CNTN5: variants seen among roughly 807,000 people sequenced by gnomAD.
CNTN5 encodes the protein contactin 5.
CNTN5 carries 77 observed loss-of-function variants against 129.1 expected under a neutral mutation model. That is an observed-to-expected ratio of 0.60 (90% confidence interval 0.50 to 0.72). CNTN5 has a LOEUF of 0.72. Ranked by LOEUF, CNTN5 falls within the 30% of genes least tolerant of loss-of-function variation. The pLI is 0.00. For synonymous variants in CNTN5, 509 were observed against 465.6 expected (o/e 1.09, Z -1.20); for missense variants, 1,478 against 1,328.8 (o/e 1.11, Z -1.75).
rs139145102 is a variant in CNTN5 at position 99,622,837 on chromosome 11, G to GA, written c.55+66577dup. On this transcript the variant is annotated intron_variant, in intron 3 of 24. Transcript: ENST00000524871. ...TGTTTCACCTTTTTATTAGAAAACT[G>GA]AAAAAAAAAGTGCCAAGTGAACCTG... 1.5e-3 allele frequency among the ~76,000 whole-genome samples: 228 copies of GA among 149,922 alleles called. 1 individual carries two copies. Among genetic ancestry groups the GA allele is most frequent in the African/African-American group, 4.7e-3 (193 of 40,900 alleles).
At chr11:100,297,327 G>A (rs929198905) in intron 18 of CNTN5, among the ~76,000 whole-genome samples, 23 of 151,246 alleles carry the variant, frequency 1.5e-4, no homozygotes, top group Non-Finnish European at 3.0e-5. Context: ...GCAATTTTAA[G>A]GACAAAATTT....
chr11:99,620,699 G>T (rs1334891166), intron 3 of CNTN5, among the ~76,000 whole-genome samples: 1 of 151,580 alleles, frequency 6.6e-6, no homozygotes, highest in African/African-American at 2.4e-5. Flanking sequence ...ACGATGGAAA[G>T]CTAGGCCCCC....
chr11:100,011,444 T>G (rs1591051025), intron 9 of CNTN5, among the ~76,000 whole-genome samples: 2 of 152,264 alleles, frequency 1.3e-5, no homozygotes, highest in East Asian at 1.9e-4. Flanking sequence ...TCTCTTTTTT[T>G]CTCTCTTTTT....
chr11:99,519,534 C>G (rs1342895737), intron 2 of CNTN5, among the ~76,000 whole-genome samples: 1 of 151,946 alleles, frequency 6.6e-6, no homozygotes, highest in Non-Finnish European at 1.5e-5. Context: ...GTATCATTCA[C>G]CAAAATGTTA....
intron 3 of CNTN5, among the ~76,000 whole-genome samples, chr11:99,702,166 C>T (rs1402668029): frequency 6.6e-6 from 1 of 151,084 alleles, no homozygotes; most frequent in African/African-American, 2.4e-5. Flanking sequence ...TGGAATAAAT[C>T]TAATTTTCCA....
chr11:99,698,743 C>T (rs562324885), intron 3 of CNTN5, among the ~76,000 whole-genome samples: 21 of 150,954 alleles, frequency 1.4e-4, no homozygotes, highest in Middle Eastern at 3.4e-3. Flanking sequence ...TACATTTTCC[C>T]ACATCATAAA....
Position 100,308,389 on chromosome 11 carries a change from C to T in CNTN5, c.2651C>T (p.Ala884Val), listed in dbSNP as rs200726875. 65 of 1,610,808 alleles carry T rather than the reference C, an allele frequency of 4.0e-5. No homozygotes were observed. The highest frequency in any genetic ancestry group is 1.7e-4 in the African/African-American group (13 of 74,758). The change falls in exon 21 of 25, where the codon GCG (alanine) becomes GTG (valine). Residue 884 changes from alanine (A) to valine (V), a missense_variant. Coordinates refer to ENST00000524871, the MANE Select transcript of CNTN5 (RefSeq NM_014361.4). Reference sequence around the variant, plus strand: ...AGTGCTGCTCCCACAGATGTCAAGGCGACAAGTGTGTCTGTGTCAGAGATT... The same window carrying T: ...AGTGCTGCTCCCACAGATGTCAAGGTGACAAGTGTGTCTGTGTCAGAGATT... ...EPSAAPTDVK[A>V]TSVSVSEILV... is the part of the protein sequence containing the mutation.
intron 9 of CNTN5, among the ~76,000 whole-genome samples, chr11:100,059,763 T>C (rs1481197076): frequency 6.6e-6 from 1 of 152,174 alleles, no homozygotes; most frequent in Non-Finnish European, 1.5e-5. Context: ...TGTATATTAT[T>C]GAAAAACAAT....
intron 6 of CNTN5, among the ~76,000 whole-genome samples, chr11:99,903,923 C>G (rs376124209): frequency 6.6e-6 from 1 of 152,118 alleles, no homozygotes; most frequent in Non-Finnish European, 1.5e-5. Context: ...TATTCAACAT[C>G]ATAATCATCA....
chr11:99,876,673 G>C (rs566142140), intron 6 of CNTN5, among the ~76,000 whole-genome samples: 142 of 152,256 alleles, frequency 9.3e-4, no homozygotes, highest in African/African-American at 3.3e-3. Context: ...ATAAAAATTA[G>C]CATCATTTTA....
chr11:100,318,048 T>C (rs956718208), intron 21 of CNTN5, among the ~76,000 whole-genome samples: 6 of 152,086 alleles, frequency 3.9e-5, no homozygotes, highest in Non-Finnish European at 8.8e-5. Context: ...GAGAGCATCC[T>C]GGCTAACACA....
chr11:99,735,350 T>C (rs750277786), intron 3 of CNTN5, among the ~76,000 whole-genome samples: 4 of 152,226 alleles, frequency 2.6e-5, no homozygotes, highest in Non-Finnish European at 5.9e-5. Flanking sequence ...ATTTTCTCAA[T>C]AGTAAAACTT....
chr11:99,886,059 T>C (rs1380937597), intron 6 of CNTN5, among the ~76,000 whole-genome samples: 6 of 152,108 alleles, frequency 3.9e-5, no homozygotes, highest in Non-Finnish European at 7.4e-5. Context: ...AAATTAAGTT[T>C]ATATTCAAAT....
At chr11:99,278,066 C>T (rs187310210) in intron 1 of CNTN5, among the ~76,000 whole-genome samples, 15 of 151,670 alleles carry the variant, frequency 9.9e-5, no homozygotes, top group South Asian at 4.2e-4. Context: ...AGCCTGTTTC[C>T]GACTCAGGAA....
chr11:99,779,216 G>C (rs1448354230), intron 3 of CNTN5, among the ~76,000 whole-genome samples: 1 of 151,768 alleles, frequency 6.6e-6, no homozygotes, highest in African/African-American at 2.4e-5. Flanking sequence ...TTCTCTACAA[G>C]TTTGTAGAAT....
intron 8 of CNTN5, among the ~76,000 whole-genome samples, chr11:99,996,836 C>A (rs1372461439): frequency 6.6e-6 from 1 of 152,070 alleles, no homozygotes; most frequent in Non-Finnish European, 1.5e-5. Context: ...CTTTAAAAGT[C>A]TCAGATTTCA....
chr11:99,150,271 T>A (rs1300803383), intron 1 of CNTN5, among the ~76,000 whole-genome samples: 1 of 152,070 alleles, frequency 6.6e-6, no homozygotes, highest in Non-Finnish European at 1.5e-5. Context: ...TCATTTGAAA[T>A]CATATATTTA....
At chr11:99,658,417 C>A (rs1952462155) in intron 3 of CNTN5, among the ~76,000 whole-genome samples, 2 of 152,018 alleles carry the variant, frequency 1.3e-5, no homozygotes, top group African/African-American at 4.8e-5. Flanking sequence ...AAAATTAGAA[C>A]TAAAATTTTA....
chr11:99,551,962 C>T (rs1348202125), intron 2 of CNTN5, among the ~76,000 whole-genome samples: 1 of 149,866 alleles, frequency 6.7e-6, no homozygotes, highest in Non-Finnish European at 1.5e-5. Flanking sequence ...GGCTGGAGTG[C>T]AGTGGCACAA....
Sources: gnomAD v4.1 joint callset for allele counts (sites outside exome capture counted in the v4.1 genomes callset) on GRCh38, gnomAD v4.1.1 for gene constraint, MANE v1.5 for transcripts, NCBI Gene and HGNC (gene_info 2026-07-23, HGNC 2026-07-21) for gene names.